Variants in EPB41 observed in about 807,000 individuals in gnomAD.
EPB41 encodes the protein protein 4.1.
A neutral mutation model predicts 108.0 loss-of-function variants in EPB41; 65 were observed. The observed-to-expected ratio is 0.60, with a 90% CI of 0.49 to 0.74. The LOEUF is 0.74. Ranked by LOEUF, EPB41 falls within the 30% of genes least tolerant of loss-of-function variation. EPB41 has a pLI of 0.00. For synonymous variants in EPB41, 336 were observed against 358.9 expected (o/e 0.94, Z 0.72); for missense variants, 875 against 1,037.0 (o/e 0.84, Z 2.15).
At chr1:28,959,212 CTTTTTTTT>C (rs34502231) in intron 1 of EPB41, among the ~76,000 whole-genome samples, 1 of 97,936 alleles carries the variant, frequency 1.0e-5, no homozygotes, top group South Asian at 3.9e-4. Flanking sequence ...AAAGTTTGAT[CTTTTTTTT>C]TTTTTTTTTT....
intron 9 of EPB41, among the ~76,000 whole-genome samples, chr1:29,033,927 G>C (rs1396445937): frequency 6.6e-6 from 1 of 152,156 alleles, no homozygotes; most frequent in Non-Finnish European, 1.5e-5. Context: ...CATTTGGGCA[G>C]GATAATACCT....
chr1:28,969,488 G>A (rs2095442166), intron 1 of EPB41, among the ~76,000 whole-genome samples: 1 of 152,006 alleles, frequency 6.6e-6, no homozygotes, highest in African/African-American at 2.4e-5. Flanking sequence ...GAAATTAGCC[G>A]GGCGCAGTGG....
intron 4 of EPB41, among the ~76,000 whole-genome samples, chr1:29,006,179 T>C (rs1206806743): frequency 2.0e-5 from 3 of 152,164 alleles, no homozygotes; most frequent in Non-Finnish European, 4.4e-5. Flanking sequence ...CCTTACTGCA[T>C]ATTAGCTTAA....
rs2089511117 is a variant in EPB41 at position 28,887,227 on chromosome 1, T to G, written c.-8+17T>G. On this transcript the variant is annotated intron_variant, in intron 1 of 16. Transcript: ENST00000347529. The surrounding 1 kb of genome is among the most constrained non-coding windows in gnomAD (Gnocchi z 4.9). Reference sequence around the variant, plus strand: ...CCAGCCCAGGTGAGCCTGGACCACCTGGGGGGCGACCCTCGGTCCCCGGGA... The same window carrying G: ...CCAGCCCAGGTGAGCCTGGACCACCGGGGGGGCGACCCTCGGTCCCCGGGA... 1 of 1,281,182 alleles carries G rather than the reference T, an allele frequency of 7.8e-7. No homozygotes were observed. The highest frequency in any genetic ancestry group is 5.6e-5 in the East Asian group (1 of 17,846). The allele number at this position is 1,281,182 out of a possible 1,614,324, so 79.4% of individuals were successfully genotyped here. A position where few individuals can be genotyped will look rare whatever the true frequency, so the allele number is the denominator to read the frequency against.
At position 29,065,030 on chromosome 1, in the gene EPB41, A is replaced by C; in HGVS notation, c.2056A>C (p.Ser686Arg). Reference sequence around the variant, plus strand: ...GATCAAAAAACATCATGCCAGCATCAGTGAGCTGAAAAAGAACTTCATGGA... The same window carrying C: ...GATCAAAAAACATCATGCCAGCATCCGTGAGCTGAAAAAGAACTTCATGGA... ...EEIKKHHASI[S>R]ELKKNFMESV... Residue 686 changes from serine (S) to arginine (R), a missense_variant, in exon 16 of 21, where the codon AGT (serine) becomes CGT (arginine). Ser to Arg is a moderately radical substitution (Grantham distance 110). Around this residue, in one of 3 missense-constraint regions of EPB41, gnomAD observed 519 missense variants for 627.3 expected, o/e 0.83. Transcript: ENST00000343067. The C allele has an allele frequency of 6.2e-7, 1 of 1,614,188 alleles. No homozygotes were observed. The highest frequency in any genetic ancestry group is 8.5e-7 in the Non-Finnish European group (1 of 1,180,022).
At chr1:29,043,305 G>A (rs1353333338) in intron 11 of EPB41, among the ~76,000 whole-genome samples, 4 of 152,320 alleles carry the variant, frequency 2.6e-5, no homozygotes, top group Admixed American at 2.0e-4. Context: ...ATGTGAAGGA[G>A]CCGGCCATCT....
chr1:28,930,942 C>A (rs2093710609), intron 1 of EPB41, among the ~76,000 whole-genome samples: 1 of 152,096 alleles, frequency 6.6e-6, no homozygotes, highest in Non-Finnish European at 1.5e-5. Flanking sequence ...ATCTTAAATA[C>A]ATGATACTGA....
chr1:29,040,700 G>T (rs1479094100), intron 11 of EPB41, among the ~76,000 whole-genome samples: 1 of 152,126 alleles, frequency 6.6e-6, no homozygotes, highest in Non-Finnish European at 1.5e-5. Context: ...CACAAATTTC[G>T]TGATTGTATA....
In EPB41 at chr1:29,060,409, T is replaced by C. The variant is rs761360318; in HGVS notation, c.1945-13T>C. The C allele has an allele frequency of 9.9e-6, 16 of 1,611,022 alleles. No homozygotes were observed. Among genetic ancestry groups the C allele is most frequent in the Non-Finnish European group, 5.1e-6 (6 of 1,177,370 alleles). On this transcript the variant is annotated splice_polypyrimidine_tract_variant and intron_variant, in intron 14 of 20. Transcript: ENST00000343067. ...TTTATGCTTTTCTGTTTTCCCCCCT[T>C]TCATTTTCACAGAAAAAGAGAGAAA...
chr1:28,934,664 C>T (rs1475601997), intron 1 of EPB41, among the ~76,000 whole-genome samples: 1 of 43,118 alleles, frequency 2.3e-5, no homozygotes, highest in African/African-American at 1.7e-4. Flanking sequence ...GTTCTTTTGA[C>T]ATTGTGTGTG....
At chr1:28,902,463 C>T in intron 1 of EPB41, 3 of 850,940 alleles carry the variant, frequency 3.5e-6, no homozygotes, top group South Asian at 5.4e-5. Context: ...CTGTGCTAGA[C>T]ACTGGGAGCC....
At chr1:29,100,806 T>G (rs1665072354) in intron 17 of EPB41, among the ~76,000 whole-genome samples, 1 of 148,944 alleles carries the variant, frequency 6.7e-6, no homozygotes, top group South Asian at 2.1e-4. Context: ...GTGGCATAGC[T>G]GTAGTTGCAG....
At chr1:29,057,406 A>G (rs1645728545) in intron 12 of EPB41, among the ~76,000 whole-genome samples, 1 of 151,306 alleles carries the variant, frequency 6.6e-6, no homozygotes, top group African/African-American at 2.4e-5. Context: ...AGAAAAAGAA[A>G]TAACCCCAAA....
chr1:28,910,747 T>C (rs1000255624), upstream of EPB41, among the ~76,000 whole-genome samples: 1 of 150,984 alleles, frequency 6.6e-6, no homozygotes, highest in African/African-American at 2.4e-5. Context: ...TCACACTGTC[T>C]TTTTTTTTCT....
upstream of EPB41, among the ~76,000 whole-genome samples, chr1:28,911,462 G>T (rs1285029562): frequency 1.3e-5 from 2 of 152,156 alleles, no homozygotes; most frequent in Non-Finnish European, 2.9e-5. Context: ...GCAGAGTAAG[G>T]ATTATTAAAT....
chr1:28,997,399 T>C, intron 4 of EPB41, 80 bp downstream of exon 4: 2 of 855,476 alleles, frequency 2.3e-6, no homozygotes, highest in Non-Finnish European at 4.0e-6. Flanking sequence ...TATCTATACC[T>C]GCTTCTCTAA....
intron 1 of EPB41, among the ~76,000 whole-genome samples, chr1:28,933,098 A>AT (rs1157522314): frequency 6.6e-6 from 1 of 152,018 alleles, no homozygotes; most frequent in Non-Finnish European, 1.5e-5. Flanking sequence ...GTCTTTATGT[A>AT]TTTTTTTCTT....
intron 12 of EPB41, 48 bp from the exon 13 acceptor site, chr1:29,058,541 A>C: frequency 6.5e-7 from 1 of 1,541,034 alleles, no homozygotes; most frequent in Non-Finnish European, 8.9e-7. Flanking sequence ...TATTCATAGA[A>C]ACCTACTAAC....
intron 8 of EPB41, among the ~76,000 whole-genome samples, chr1:29,032,261 G>A (rs934780728): frequency 6.6e-5 from 10 of 152,142 alleles, no homozygotes; most frequent in Non-Finnish European, 8.8e-5. Context: ...CCTGCTGGAA[G>A]CTGGTGTCAA....
Sources: allele counts gnomAD v4.1 joint callset (sites outside exome capture counted in the v4.1 genomes callset), GRCh38; gene constraint gnomAD v4.1.1; regional missense constraint gnomAD v4.1.1; non-coding constraint Gnocchi (gnomAD v3.1); transcripts MANE v1.5; gene names NCBI Gene and HGNC (gene_info 2026-07-23, HGNC 2026-07-21).